PRKAA2: variants seen among roughly 807,000 people sequenced by gnomAD.
PRKAA2 encodes the protein 5'-AMP-activated protein kinase catalytic subunit alpha-2.
In PRKAA2, 40 loss-of-function variants were observed where a neutral mutation model predicts 56.3. The ratio of observed to expected loss-of-function variants is 0.71; its 90% CI spans 0.55 to 0.92. The LOEUF (loss-of-function observed/expected upper bound fraction) is 0.92. Ranked by LOEUF, PRKAA2 falls within the 40% of genes least tolerant of loss-of-function variation. The probability of loss-of-function intolerance (pLI) is 0.00; values close to 1 mark genes in which losing one functional copy is unlikely to be tolerated. For synonymous variants in PRKAA2, 214 were observed against 234.2 expected (o/e 0.91, Z 0.79); for missense variants, 542 against 686.9 (o/e 0.79, Z 2.36).
At chr1:56,665,873 C>T (rs1644032431) in intron 1 of PRKAA2, among the ~76,000 whole-genome samples, 2 of 152,092 alleles carry the variant, frequency 1.3e-5, no homozygotes, top group South Asian at 4.1e-4. Flanking sequence ...AGACATATAC[C>T]TTCTTTTGTA....
chr1:56,686,962 G>A (rs1383880800), intron 2 of PRKAA2, among the ~76,000 whole-genome samples: 2 of 147,702 alleles, frequency 1.4e-5, no homozygotes, highest in African/African-American at 2.5e-5. Context: ...TCAGCTTACC[G>A]CAACCTCCAC....
chr1:56,648,310 C>A (rs781566501), intron 1 of PRKAA2, among the ~76,000 whole-genome samples: 2 of 152,152 alleles, frequency 1.3e-5, no homozygotes, highest in South Asian at 2.1e-4. Context: ...TAAACGTGAT[C>A]GTTCAATATG....
intron 6 of PRKAA2, among the ~76,000 whole-genome samples, chr1:56,703,053 C>T (rs2100435971): frequency 6.6e-6 from 1 of 152,198 alleles, no homozygotes; most frequent in Middle Eastern, 3.4e-3. Flanking sequence ...GGTAATAATG[C>T]CTAAACAATC....
chr1:56,679,838 T>C (rs1186178067), intron 2 of PRKAA2, among the ~76,000 whole-genome samples: 3 of 152,148 alleles, frequency 2.0e-5, no homozygotes, highest in African/African-American at 7.2e-5. Flanking sequence ...ACCCCTCCTC[T>C]TCCTCTTCCT....
chr1:56,665,984 A>C (rs1160489214), intron 1 of PRKAA2, among the ~76,000 whole-genome samples: 1 of 152,224 alleles, frequency 6.6e-6, no homozygotes, highest in East Asian at 1.9e-4. Context: ...GCAGTACTAC[A>C]TAGGATTCTT....
chr1:56,685,117 A>G (rs1330374934), intron 2 of PRKAA2, among the ~76,000 whole-genome samples: 3 of 152,212 alleles, frequency 2.0e-5, no homozygotes, highest in Non-Finnish European at 2.9e-5. Context: ...CTTAAAGGCC[A>G]TATGTTAAGA....
At chr1:56,662,246 G>A (rs1270166220) in intron 1 of PRKAA2, among the ~76,000 whole-genome samples, 1 of 152,006 alleles carries the variant, frequency 6.6e-6, no homozygotes, top group Non-Finnish European at 1.5e-5. Context: ...TTGAATTTAG[G>A]AAGAATCTCT....
At chr1:56,659,372 C>T (rs1278851057) in intron 1 of PRKAA2, among the ~76,000 whole-genome samples, 1 of 151,298 alleles carries the variant, frequency 6.6e-6, no homozygotes, top group East Asian at 2.0e-4. Context: ...TGGTGCATGT[C>T]TGTAATCCCA....
intron 1 of PRKAA2, among the ~76,000 whole-genome samples, chr1:56,658,518 G>A (rs2746352): frequency 0.19 from 28,699 of 151,510 alleles, 3,192 homozygotes; most frequent in South Asian, 0.36. Flanking sequence ...AGAGTCTACT[G>A]AATGCTAATA....
rs543322076 is a variant in PRKAA2, at chr1:56,707,623, C to G, written c.1569C>G (p.Ser523Arg). ...CTCTCACTGGCTCTTTGACCGGAAG[C>G]ACATTGTCTTCAGTTTCACCTCGCC... is the stretch of plus-strand genomic sequence containing the variant. ...SGSLTGSLTG[S>R]TLSSVSPRLG... is the part of the protein sequence containing the mutation. The change falls in exon 9 of 9, where the codon AGC (serine) becomes AGG (arginine). Residue 523 changes from serine to arginine, a missense_variant. Physicochemically the swap from Ser to Arg is moderately radical, Grantham distance 110. This residue lies in a region of PRKAA2 where 158 missense variants were observed against 166.1 expected (regional missense o/e 0.95). Transcript: ENST00000371244. 6.2e-7 allele frequency: 1 copy of G among 1,614,026 alleles called. No individual in the cohort carries two copies. Among genetic ancestry groups the G allele is most frequent in the East Asian group, 2.2e-5 (1 of 44,878 alleles).
intron 1 of PRKAA2, among the ~76,000 whole-genome samples, chr1:56,660,534 C>G (rs1260794518): frequency 6.6e-6 from 1 of 152,142 alleles, no homozygotes; most frequent in African/African-American, 2.4e-5. Context: ...CCCTCCTTAG[C>G]CTATCACTAC....
intron 1 of PRKAA2, among the ~76,000 whole-genome samples, chr1:56,670,884 A>T (rs186317638): frequency 1.1e-3 from 172 of 152,290 alleles, no homozygotes; most frequent in African/African-American, 4.1e-3. Flanking sequence ...CTTCAGGCAG[A>T]TGTAATACTG....
chr1:56,678,799 G>A (rs1010243351), intron 2 of PRKAA2, among the ~76,000 whole-genome samples: 8 of 151,210 alleles, frequency 5.3e-5, no homozygotes, highest in African/African-American at 1.7e-4. Context: ...GTGTTCAAGC[G>A]ATTCTCCTGC....
At chr1:56,698,846 C>G (rs1415894395) in intron 6 of PRKAA2, among the ~76,000 whole-genome samples, 1 of 152,118 alleles carries the variant, frequency 6.6e-6, no homozygotes, top group African/African-American at 2.4e-5. Flanking sequence ...TGTGCAAGGT[C>G]TTGTGCTAGG....
chr1:56,699,257 G>T (rs1644278433), intron 6 of PRKAA2, among the ~76,000 whole-genome samples: 2 of 152,096 alleles, frequency 1.3e-5, no homozygotes, highest in South Asian at 2.1e-4. Flanking sequence ...AGAAATTTGG[G>T]CATATCATGA....
chr1:56,692,326 A>G, intron 3 of PRKAA2, 32 bp from the exon 4 acceptor site: 1 of 1,612,836 alleles, frequency 6.2e-7, no homozygotes, highest in Non-Finnish European at 8.5e-7. Context: ...AGCCCCAGAT[A>G]TTCTTAATGC....
rs1376085814 is a variant in PRKAA2, at chr1:56,708,865, G to T, written c.*1152G>T. On this transcript the variant is annotated 3_prime_UTR_variant, in exon 9 of 9. Coordinates refer to ENST00000371244, the MANE Select transcript of PRKAA2 (RefSeq NM_006252.4). ...AGGGCAGGGAAGCTTTGAACATCAA[G>T]AAAAAATTTTTATCTTAAATAAATA... 2.6e-5 allele frequency: 4 copies of T among 151,934 alleles called. No individual in the cohort carries two copies. Among genetic ancestry groups the T allele is most frequent in the Non-Finnish European group, 5.9e-5 (4 of 67,962 alleles). 9.4% of individuals were successfully genotyped at this position (151,934 alleles called of 1,614,324 possible).
Position 56,713,153 on chromosome 1 carries a change from C to T in PRKAA2, c.*5440C>T, listed in dbSNP as rs1485974280. On this transcript the variant is annotated 3_prime_UTR_variant, in exon 9 of 9. Transcript: ENST00000371244. ...GTTGCTGGCATCATTACTAGCCTTTCCACCTATAATTATGATGCATTTGAT... is the reference window on the plus strand; with the variant it reads ...GTTGCTGGCATCATTACTAGCCTTTTCACCTATAATTATGATGCATTTGAT... 1 of 152,126 alleles carries T rather than the reference C, an allele frequency of 6.6e-6. No homozygotes were observed. Among genetic ancestry groups the T allele is most frequent in the Non-Finnish European group, 1.5e-5 (1 of 68,032 alleles). 9.4% of individuals were successfully genotyped at this position (152,126 alleles called of 1,614,324 possible).
intron 1 of PRKAA2, among the ~76,000 whole-genome samples, chr1:56,665,588 AG>A (rs765414433): frequency 2.6e-5 from 4 of 152,324 alleles, no homozygotes; most frequent in Non-Finnish European, 5.9e-5. Context: ...GTTCAGTTTT[AG>A]TAGTTACCCA....
Sources: allele counts gnomAD v4.1 joint callset (sites outside exome capture counted in the v4.1 genomes callset), GRCh38; gene constraint gnomAD v4.1.1; regional missense constraint gnomAD v4.1.1; transcripts MANE v1.5; gene names NCBI Gene and HGNC (gene_info 2026-07-23, HGNC 2026-07-21).